The following GCNA variants were observed in gnomAD, a reference collection of about 807,000 sequenced individuals.
GCNA encodes the protein germ cell nuclear acidic peptidase.
A neutral mutation model predicts 38.8 loss-of-function variants in GCNA; 3 were observed. That is an observed-to-expected ratio of 0.08 (90% confidence interval 0.04 to 0.20). The LOEUF (loss-of-function observed/expected upper bound fraction) is 0.20, where lower values mean the gene tolerates loss of function less well. Ranked by LOEUF, GCNA falls within the 10% of genes least tolerant of loss-of-function variation. The pLI is 1.00. For synonymous variants in GCNA, 195 were observed against 240.2 expected, an observed-to-expected ratio of 0.81 and a Z score of 1.74; for missense variants, 446 against 578.6, an observed-to-expected ratio of 0.77 and a Z score of 2.35.
chrX:71,583,999 C>T (rs1424477789), intron 2 of GCNA, among the ~76,000 whole-genome samples: 1 of 105,974 alleles, frequency 9.4e-6, no homozygotes, highest in African/African-American at 3.5e-5. Context: ...TGTGCCACCA[C>T]GCCCGGCTAA....
chrX:71,591,408 G>A (rs1295654353), intron 2 of GCNA, among the ~76,000 whole-genome samples: 1 of 102,271 alleles, frequency 9.8e-6, no homozygotes, highest in Non-Finnish European at 2.0e-5. Flanking sequence ...TCACTGCAGG[G>A]AGCAGTGGCA....
chrX:71,579,714 A>T (rs1340698256), intron 1 of GCNA, among the ~76,000 whole-genome samples: 2 of 90,129 alleles, frequency 2.2e-5, no homozygotes, highest in Non-Finnish European at 4.4e-5. Flanking sequence ...AGTGTGGGGG[A>T]GTGGAAGCCT....
chrX:71,585,574 T>C (rs2040579339), intron 2 of GCNA, among the ~76,000 whole-genome samples: 2 of 110,728 alleles, frequency 1.8e-5, no homozygotes, highest in African/African-American at 6.6e-5. Context: ...TGGTTGGAGA[T>C]AGCTCTTGAG....
intron 1 of GCNA, among the ~76,000 whole-genome samples, chrX:71,579,172 C>T (rs1399229064): frequency 9.7e-5 from 8 of 82,766 alleles, no homozygotes; most frequent in Admixed American, 2.7e-4. Context: ...GCGCTGGTTG[C>T]GGCACTGGGG....
Position 71,597,907 on chromosome X carries a change from C to T in GCNA, c.222-43C>T, listed in dbSNP as rs150219200. ...AATGCCATGAAAAAGAAGACTGTTGCGTTCATACTTCTCTCTTGTTTTTCT... is the reference window on the plus strand; with the variant it reads ...AATGCCATGAAAAAGAAGACTGTTGTGTTCATACTTCTCTCTTGTTTTTCT... On this transcript the variant is annotated intron_variant, in intron 6 of 12. Transcript: ENST00000373696. 3.7e-4 allele frequency: 374 copies of T among 1,003,982 alleles called. 1 individual carries two copies. The African/African-American group carries it at 6.0e-3, about 16-fold the overall frequency. 82.7% of individuals were successfully genotyped at this position (1,003,982 alleles called of 1,213,427 possible). A position where few individuals can be genotyped will look rare whatever the true frequency, so the allele number is the denominator to read the frequency against.
chrX:71,589,427 C>T (rs1394250526), intron 2 of GCNA, among the ~76,000 whole-genome samples: 3 of 93,275 alleles, frequency 3.2e-5, no homozygotes, highest in Admixed American at 1.3e-4. Context: ...GGGACTACAG[C>T]GTACCTGGCC....
At chrX:71,599,866 T>C (rs776266111) in intron 7 of GCNA, among the ~76,000 whole-genome samples, 1 of 112,133 alleles carries the variant, frequency 8.9e-6, no homozygotes, top group Non-Finnish European at 1.9e-5. Context: ...CTTTTTACCA[T>C]AGGAACATCT....
chrX:71,593,897 C>T, intron 4 of GCNA, among the ~76,000 whole-genome samples: 1 of 109,097 alleles, frequency 9.2e-6, no homozygotes, highest in Non-Finnish European at 1.9e-5. Flanking sequence ...GTCGCCCACA[C>T]TGCAGTGCAG....
chrX:71,613,533 T>C lies in GCNA; in HGVS notation c.*551T>C, dbSNP rs2040828782. ...TAAAATTCGTTGTTGATGGTATTGATTGAAACTATCTGAGCCATGTAATCA... is the reference window on the plus strand; with the variant it reads ...TAAAATTCGTTGTTGATGGTATTGACTGAAACTATCTGAGCCATGTAATCA... On this transcript the variant is annotated 3_prime_UTR_variant, in exon 13 of 13. Coordinates refer to ENST00000373696, the MANE Select transcript of GCNA (RefSeq NM_052957.5). 8.8e-6 allele frequency: 1 copy of C among 113,792 alleles called. No homozygotes were observed. Among genetic ancestry groups the C allele is most frequent in the Admixed American group, 9.1e-5 (1 of 10,944 alleles). 9.4% of individuals were successfully genotyped at this position (113,792 alleles called of 1,213,427 possible). A position where few individuals can be genotyped will look rare whatever the true frequency, so the allele number is the denominator to read the frequency against.
chrX:71,598,137 T>C, intron 7 of GCNA, 99 bp downstream of exon 7: 1 of 612,965 alleles, frequency 1.6e-6, no homozygotes. Flanking sequence ...CTATTCAGAA[T>C]CCCTCAGTAG....
chrX:71,580,872 C>T lies in GCNA; in HGVS notation c.51C>T (p.Asp17=), dbSNP rs377049000. 1.7e-6 allele frequency: 2 copies of T among 1,196,957 alleles called. No homozygotes were observed. Among genetic ancestry groups the T allele is most frequent in the African/African-American group, 3.5e-5 (2 of 56,960 alleles). ...CCCGCTTGCAAGAGCCGGAGGAGGA[C>T]GAGGATTGGTGAGATTTAGAAAGTT... is the stretch of plus-strand genomic sequence containing the variant. ...ELPRLQEPEE[D]EDCYILNVQS... The change falls in exon 2 of 13, where the codon GAC becomes GAT. Residue 17 remains aspartate, a synonymous_variant. Transcript: ENST00000373696.
chrX:71,598,151 G>C (rs1330951619), intron 7 of GCNA, 113 bp downstream of exon 7: 33 of 518,900 alleles, frequency 6.4e-5, no homozygotes, highest in Non-Finnish European at 1.1e-4. Context: ...TCAGTAGTGA[G>C]TGCCACCGTT....
chrX:71,612,351 C>T lies in GCNA; in HGVS notation c.1751-4C>T. 9.9e-7 allele frequency: 1 copy of T among 1,007,563 alleles called. No individual in the cohort carries two copies. The highest frequency in any genetic ancestry group is 2.0e-5 in the African/African-American group (1 of 50,201). The allele number at this position is 1,007,563 out of a possible 1,213,427, so 83.0% of individuals were successfully genotyped here. ...CTCACATTTCTTTTCATTCTTCTTT[C>T]AAGACCGAATCCGGGATACCTTGAT... On this transcript the variant is annotated splice_polypyrimidine_tract_variant and splice_region_variant and intron_variant, in intron 11 of 12. Transcript: ENST00000373696.
intron 11 of GCNA, 40 bp from the exon 12 acceptor site, chrX:71,612,315 T>G (rs1350068727): frequency 3.7e-5 from 25 of 674,737 alleles, no homozygotes; most frequent in Middle Eastern, 3.6e-4. Flanking sequence ...AAAAGAGGAT[T>G]GGTTTTAGTG....
chrX:71,592,620 AG>A (rs750858848), intron 4 of GCNA, 50 bp downstream of exon 4: 30 of 1,090,601 alleles, frequency 2.8e-5, no homozygotes, highest in Non-Finnish European at 3.4e-5. Context: ...TTTTAAATTA[AG>A]GGGGGAAAAA....
At chrX:71,602,433 C>T (rs755848684) in intron 7 of GCNA, among the ~76,000 whole-genome samples, 1 of 111,675 alleles carries the variant, frequency 9.0e-6, no homozygotes, top group South Asian at 3.8e-4. Context: ...ATAATCCACC[C>T]GCCTTGCCCT....
intron 2 of GCNA, among the ~76,000 whole-genome samples, chrX:71,586,423 G>A (rs2040586127): frequency 1.8e-5 from 2 of 110,853 alleles, no homozygotes; most frequent in East Asian, 2.8e-4. Flanking sequence ...TTAGAGAAGT[G>A]GAGCCAACAG....
chrX:71,588,789 T>G (rs778614985), intron 2 of GCNA, among the ~76,000 whole-genome samples: 4 of 111,457 alleles, frequency 3.6e-5, no homozygotes, highest in Non-Finnish European at 7.5e-5. Context: ...ATCGCGCCAC[T>G]GCACTGCAAC....
At chrX:71,590,186 A>G (rs1409681687) in intron 2 of GCNA, among the ~76,000 whole-genome samples, 1 of 111,743 alleles carries the variant, frequency 8.9e-6, no homozygotes, top group African/African-American at 3.3e-5. Context: ...CTTCTTTTTG[A>G]CCATGTATTT....
Sources: allele counts gnomAD v4.1 joint callset (sites outside exome capture counted in the v4.1 genomes callset), GRCh38; gene constraint gnomAD v4.1.1; transcripts MANE v1.5; gene names NCBI Gene and HGNC (gene_info 2026-07-23, HGNC 2026-07-21).